The following STUM variants were observed in gnomAD, a reference collection of about 807,000 sequenced individuals.
STUM encodes the protein protein stum homolog.
A neutral mutation model predicts 15.3 loss-of-function variants in STUM; 8 were observed. The ratio of observed to expected loss-of-function variants is 0.52; its 90% CI spans 0.31 to 0.94. The LOEUF is 0.94. Among genes scored for constraint, STUM ranks in the 40% least tolerant of loss-of-function variants. The probability of loss-of-function intolerance (pLI) is 0.05; values close to 1 mark genes in which losing one functional copy is unlikely to be tolerated. For missense variants in STUM, 142 were observed against 204.9 expected (o/e 0.69, Z 1.87); for synonymous variants, 78 against 88.7 (o/e 0.88, Z 0.68).
intron 1 of STUM, among the ~76,000 whole-genome samples, chr1:226,580,678 T>C (rs1667904152): frequency 6.6e-6 from 1 of 152,158 alleles, no homozygotes; most frequent in Non-Finnish European, 1.5e-5. Flanking sequence ...AGGGCTGCTC[T>C]TGCCCCACTG....
chr1:226,566,748 A>G (rs1402789531), intron 1 of STUM, among the ~76,000 whole-genome samples: 4 of 152,220 alleles, frequency 2.6e-5, no homozygotes, highest in Admixed American at 1.3e-4. Context: ...CACAAAACAC[A>G]TCTTATATTT....
At chr1:226,563,213 T>C (rs1667569798) in intron 1 of STUM, among the ~76,000 whole-genome samples, 1 of 152,246 alleles carries the variant, frequency 6.6e-6, no homozygotes. Context: ...ACATAGTGAT[T>C]GCACCTAAAT....
intron 1 of STUM, among the ~76,000 whole-genome samples, chr1:226,563,277 G>A (rs1183116378): frequency 6.6e-6 from 1 of 152,212 alleles, no homozygotes; most frequent in Non-Finnish European, 1.5e-5. Context: ...ACTTCCATAA[G>A]GTCTACCAGC....
intron 1 of STUM, among the ~76,000 whole-genome samples, chr1:226,578,865 TTC>T (rs1406529891): frequency 6.6e-6 from 1 of 152,182 alleles, no homozygotes; most frequent in Non-Finnish European, 1.5e-5. Flanking sequence ...TCTTGCTGAT[TTC>T]TCTCTCAAGC....
chr1:226,556,614 C>T (rs1321451655), intron 1 of STUM, among the ~76,000 whole-genome samples: 1 of 152,176 alleles, frequency 6.6e-6, no homozygotes, highest in Non-Finnish European at 1.5e-5. Flanking sequence ...GGGAGATGAA[C>T]TAGAAGCCAG....
Position 226,549,579 on chromosome 1 carries a change from C to T in STUM, c.202+473C>T, listed in dbSNP as rs1667336597. On this transcript the variant is annotated intron_variant, in intron 1 of 3. Transcript: ENST00000366788. The surrounding 1 kb of genome is among the most constrained non-coding windows in gnomAD (Gnocchi z 6.8). ...AGTCAGCTGAGCCGGGGAAAGAGGA[C>T]GAGCCGGGCTAGATATACCTGCAGC... Among the ~76,000 whole-genome samples, 1 of 152,186 alleles carries T rather than the reference C, an allele frequency of 6.6e-6. No homozygotes were observed. The highest frequency in any genetic ancestry group is 2.4e-5 in the African/African-American group (1 of 41,450).
At chr1:226,566,576 A>T (rs76818918) in intron 1 of STUM, among the ~76,000 whole-genome samples, 2 of 151,548 alleles carry the variant, frequency 1.3e-5, no homozygotes, top group African/African-American at 2.4e-5. Context: ...TCTTACCCAC[A>T]TTTTTTTTTG....
chr1:226,548,936 C>A lies in STUM; in HGVS notation c.32C>A (p.Ala11Glu). Residue 11 changes from alanine (A) to glutamate (E), a missense_variant, in exon 1 of 4, where the codon GCG becomes GAG. Coordinates refer to ENST00000366788, the MANE Select transcript of STUM (RefSeq NM_001003665.4). MEPSHKDAETAAAAAAVAAAD... is the reference protein window; with the variant it reads MEPSHKDAETEAAAAAVAAAD... ...CCCTCGCACAAAGACGCCGAGACGG[C>A]GGCGGCGGCGGCGGCGGTGGCGGCG... 1 of 1,445,748 alleles carries A rather than the reference C, an allele frequency of 6.9e-7. No individual in the cohort carries two copies. Among genetic ancestry groups the A allele is most frequent in the Non-Finnish European group, 9.1e-7 (1 of 1,104,932 alleles). The allele number at this position is 1,445,748 out of a possible 1,614,324, so 89.6% of individuals were successfully genotyped here. A position where few individuals can be genotyped will look rare whatever the true frequency, so the allele number is the denominator to read the frequency against.
intron 1 of STUM, among the ~76,000 whole-genome samples, chr1:226,558,811 C>T (rs138425537): frequency 0.012 from 1,807 of 152,252 alleles, 36 homozygotes; most frequent in African/African-American, 0.042. Context: ...TGTCCATATA[C>T]CTTTGAGGCA....
At chr1:226,564,863 A>G (rs1359020672) in intron 1 of STUM, among the ~76,000 whole-genome samples, 2 of 152,178 alleles carry the variant, frequency 1.3e-5, no homozygotes, top group Non-Finnish European at 2.9e-5. Flanking sequence ...CATCTCATGC[A>G]TTCCGGTTCT....
rs1036192672 is a variant in STUM, at chr1:226,592,676, C to T, written c.203-4126C>T. Among the ~76,000 whole-genome samples the T allele has an allele frequency of 4.6e-5, 7 of 152,358 alleles. No individual in the cohort carries two copies. The South Asian group carries it at 6.2e-4, about 14-fold the overall frequency. ...TTCAACCATCTTTCCACTTTGGCAGCGTTCTCTTTTGTAATAGTGTCCACT... is the reference window on the plus strand; with the variant it reads ...TTCAACCATCTTTCCACTTTGGCAGTGTTCTCTTTTGTAATAGTGTCCACT... On this transcript the variant is annotated intron_variant, in intron 1 of 3. Coordinates refer to ENST00000366788, the MANE Select transcript of STUM (RefSeq NM_001003665.4).
chr1:226,598,734 G>A (rs938015121), intron 2 of STUM, among the ~76,000 whole-genome samples: 3 of 152,226 alleles, frequency 2.0e-5, no homozygotes, highest in African/African-American at 7.2e-5. Context: ...AGTGCTAGAA[G>A]CTGCAGCCCC....
intron 1 of STUM, among the ~76,000 whole-genome samples, chr1:226,556,385 C>G (rs1480519435): frequency 6.6e-6 from 1 of 152,114 alleles, no homozygotes; most frequent in Admixed American, 6.5e-5. Context: ...GGAAGGCAGG[C>G]ACTAATGAAT....
At chr1:226,550,344 C>A (rs1667353533) in intron 1 of STUM, among the ~76,000 whole-genome samples, 1 of 152,198 alleles carries the variant, frequency 6.6e-6, no homozygotes, top group South Asian at 2.1e-4. Context: ...GCGGCCAGAG[C>A]AGCCTATCTG....
At chr1:226,581,789 C>T (rs1334294031) in intron 1 of STUM, among the ~76,000 whole-genome samples, 2 of 152,258 alleles carry the variant, frequency 1.3e-5, no homozygotes, top group East Asian at 3.9e-4. Flanking sequence ...GACCGCCATC[C>T]TCTTAGTGGA....
chr1:226,567,142 G>A lies in STUM; in HGVS notation c.202+18036G>A, dbSNP rs1013636966. ...GCCTGTTCCTAGGATGAAGCCAGTA[G>A]GGTGGTGAGGCCGGGGCACCTGCTC... On this transcript the variant is annotated intron_variant, in intron 1 of 3. Coordinates refer to ENST00000366788, the MANE Select transcript of STUM (RefSeq NM_001003665.4). The surrounding 1 kb of genome is among the most constrained non-coding windows in gnomAD (Gnocchi z 4.5). Among the ~76,000 whole-genome samples, 4 of 152,210 alleles carry A rather than the reference G, an allele frequency of 2.6e-5. No homozygotes were observed. The highest frequency in any genetic ancestry group is 9.7e-5 in the African/African-American group (4 of 41,448).
chr1:226,569,711 C>G (rs921153909), intron 1 of STUM, among the ~76,000 whole-genome samples: 11 of 152,138 alleles, frequency 7.2e-5, no homozygotes, highest in Admixed American at 7.2e-4. Flanking sequence ...TAACGTACCC[C>G]CAAAGCCTGG....
chr1:226,601,251 C>T (rs12095420), intron 3 of STUM, among the ~76,000 whole-genome samples: 5,579 of 152,182 alleles, frequency 0.037, 153 homozygotes, highest in Middle Eastern at 0.095. Context: ...CTCAGCCTCC[C>T]GAGTAGCTGG....
At position 226,548,806 on chromosome 1, in the gene STUM, G is replaced by T; in HGVS notation, c.-99G>T. ...CGGAGCACGGCGGCCGCCTGAGCTC[G>T]GCGCGGAGCCCGGAGCCCGCAGCCG... On this transcript the variant is annotated 5_prime_UTR_variant, in exon 1 of 4. Transcript: ENST00000366788. 9.6e-7 allele frequency: 1 copy of T among 1,040,786 alleles called. No individual in the cohort carries two copies. Among genetic ancestry groups the T allele is most frequent in the South Asian group, 4.4e-5 (1 of 22,732 alleles). The allele number at this position is 1,040,786 out of a possible 1,614,324, so 64.5% of individuals were successfully genotyped here. A position where few individuals can be genotyped will look rare whatever the true frequency, so the allele number is the denominator to read the frequency against.
Sources: gnomAD v4.1 joint callset for allele counts (sites outside exome capture counted in the v4.1 genomes callset) on GRCh38, gnomAD v4.1.1 for gene constraint, Gnocchi (gnomAD v3.1) non-coding constraint, MANE v1.5 for transcripts, NCBI Gene and HGNC (gene_info 2026-07-23, HGNC 2026-07-21) for gene names.